TENM2: variants seen among roughly 807,000 people sequenced by gnomAD.
TENM2 encodes teneurin-2.
A neutral mutation model predicts 245.2 loss-of-function variants in TENM2; 52 were observed. The ratio of observed to expected loss-of-function variants is 0.21; its 90% confidence interval spans 0.17 to 0.27. The LOEUF (loss-of-function observed/expected upper bound fraction) is 0.27, where lower values mean the gene tolerates loss of function less well. Among genes scored for constraint, TENM2 ranks in the 10% least tolerant of loss-of-function variants. TENM2 has a pLI of 1.00. For synonymous variants in TENM2, 1,363 were observed against 1,438.9 expected (o/e 0.95, Z 1.19); for missense variants, 3,046 against 3,666.8 (o/e 0.83, Z 4.37).
intron 2 of TENM2, among the ~76,000 whole-genome samples, chr5:167,562,815 G>A (rs1396236059): frequency 6.6e-6 from 1 of 152,058 alleles, no homozygotes; most frequent in African/African-American, 2.4e-5. Context: ...AATTTAGCCA[G>A]GCGTGTTGGC....
chr5:168,208,115 ATCTTT>A (rs1762510022), intron 19 of TENM2, among the ~76,000 whole-genome samples: 1 of 152,062 alleles, frequency 6.6e-6, no homozygotes, highest in Non-Finnish European at 1.5e-5. Flanking sequence ...TCATAGCAAA[ATCTTT>A]TCTCCCTCCC....
chr5:167,398,362 T>C (rs367923485), intron 2 of TENM2, among the ~76,000 whole-genome samples: 5 of 149,172 alleles, frequency 3.4e-5, no homozygotes, highest in East Asian at 2.0e-4. Flanking sequence ...TCTTTCTTTC[T>C]TTCCTTTCTT....
At chr5:167,395,090 G>T (rs1761977105) in intron 2 of TENM2, among the ~76,000 whole-genome samples, 1 of 151,130 alleles carries the variant, frequency 6.6e-6, no homozygotes, top group Non-Finnish European at 1.5e-5. Context: ...TGGTAGTATG[G>T]ACATTTTAAC....
chr5:167,855,392 C>A (rs1181661995), intron 2 of TENM2, among the ~76,000 whole-genome samples: 1 of 152,138 alleles, frequency 6.6e-6, no homozygotes, highest in African/African-American at 2.4e-5. Context: ...AAAACACACA[C>A]ACATATGTTG....
At chr5:167,019,857 G>A in the TENM2 span, among the ~76,000 whole-genome samples, 1 of 152,048 alleles carries the variant, frequency 6.6e-6, no homozygotes, top group African/African-American at 2.4e-5. Context: ...TAACAAGCTT[G>A]CTTTCCTTCT....
chr5:167,693,727 T>A (rs1019094872), intron 2 of TENM2, among the ~76,000 whole-genome samples: 2 of 151,774 alleles, frequency 1.3e-5, no homozygotes, highest in Admixed American at 6.6e-5. Context: ...AAAATATAGC[T>A]TAGGGAATTT....
chr5:168,042,925 C>T (rs1234193391), intron 5 of TENM2, among the ~76,000 whole-genome samples: 4 of 152,212 alleles, frequency 2.6e-5, no homozygotes, highest in Non-Finnish European at 4.4e-5. Flanking sequence ...GAGCCCTTCC[C>T]CATCCCATCC....
chr5:168,100,388 T>C (rs1266949689), intron 9 of TENM2, among the ~76,000 whole-genome samples: 2 of 152,204 alleles, frequency 1.3e-5, no homozygotes, highest in East Asian at 3.8e-4. Flanking sequence ...ACTGGGTATA[T>C]ACCCAAAGGA....
At chr5:167,619,078 C>A (rs892718886) in intron 2 of TENM2, among the ~76,000 whole-genome samples, 2 of 152,050 alleles carry the variant, frequency 1.3e-5, no homozygotes, top group Admixed American at 1.3e-4. Context: ...GGAAACACTG[C>A]CCAGTGTTCT....
At chr5:167,460,041 A>AT (rs1766201416) in intron 2 of TENM2, among the ~76,000 whole-genome samples, 1 of 152,180 alleles carries the variant, frequency 6.6e-6, no homozygotes, top group South Asian at 2.1e-4. Flanking sequence ...GAAGGATCAT[A>AT]TATTTCCTCT....
intron 2 of TENM2, among the ~76,000 whole-genome samples, chr5:167,471,443 A>G (rs1767022025): frequency 6.6e-6 from 1 of 152,242 alleles, no homozygotes. Flanking sequence ...GAGTTAATAC[A>G]ATAACAAAAC....
At chr5:168,236,225 A>G (rs1462264006) in intron 25 of TENM2, among the ~76,000 whole-genome samples, 1 of 152,194 alleles carries the variant, frequency 6.6e-6, no homozygotes, top group Non-Finnish European at 1.5e-5. Context: ...GAAATATACA[A>G]CATACCTGAC....
chr5:167,136,156 A>G, the TENM2 span, among the ~76,000 whole-genome samples: 13 of 152,308 alleles, frequency 8.5e-5, no homozygotes, highest in African/African-American at 3.1e-4. Flanking sequence ...TTCTTTATGC[A>G]CCTATGTAAA....
chr5:168,044,508 T>G (rs17069705), intron 5 of TENM2, among the ~76,000 whole-genome samples: 51,057 of 152,090 alleles, frequency 0.34, 10,269 homozygotes, highest in African/African-American at 0.55. Flanking sequence ...CCTCTGATTA[T>G]GTGTTTTTTA....
chr5:167,214,242 C>T, the TENM2 span, among the ~76,000 whole-genome samples: 4 of 152,300 alleles, frequency 2.6e-5, no homozygotes, highest in East Asian at 7.7e-4. Context: ...GCATATACTC[C>T]TACCATGACC....
intron 3 of TENM2, among the ~76,000 whole-genome samples, chr5:167,894,262 G>A (rs1462998406): frequency 6.6e-6 from 1 of 152,138 alleles, no homozygotes; most frequent in East Asian, 1.9e-4. Context: ...AAGTTTCTGG[G>A]TATTACCAGT....
chr5:167,022,434 T>A, the TENM2 span, among the ~76,000 whole-genome samples: 1 of 152,192 alleles, frequency 6.6e-6, no homozygotes. Flanking sequence ...AACCAGTAAC[T>A]TTTTACGTAA....
At chr5:167,347,631 TC>T (rs1224382775) in intron 1 of TENM2, among the ~76,000 whole-genome samples, 3 of 152,098 alleles carry the variant, frequency 2.0e-5, no homozygotes, top group African/African-American at 7.2e-5. Flanking sequence ...CACATCCACT[TC>T]TAAACCTCCT....
chr5:167,060,439 T>C, the TENM2 span, among the ~76,000 whole-genome samples: 1 of 151,744 alleles, frequency 6.6e-6, no homozygotes, highest in Admixed American at 6.6e-5. Flanking sequence ...GATCACGAGG[T>C]CAGGAGTTTG....
Sources: gnomAD v4.1 joint callset for allele counts (sites outside exome capture counted in the v4.1 genomes callset) on GRCh38, gnomAD v4.1.1 for gene constraint, MANE v1.5 for transcripts, NCBI Gene and HGNC (gene_info 2026-07-23, HGNC 2026-07-21) for gene names.